SLC37A1: variants seen among roughly 807,000 people sequenced by gnomAD.
The protein encoded by SLC37A1 is glucose-6-phosphate exchanger SLC37A1.
SLC37A1 carries 49 observed loss-of-function variants against 75.3 expected under a neutral mutation model. That is an observed-to-expected ratio of 0.65 (90% CI 0.52 to 0.83). The LOEUF is 0.83. SLC37A1 is among the 40% of genes least tolerant of loss of function. The pLI is 0.00. For missense variants in SLC37A1, 566 were observed against 695.0 expected (o/e 0.81, Z 2.09); for synonymous variants, 268 against 292.1 (o/e 0.92, Z 0.84).
intron 9 of SLC37A1, among the ~76,000 whole-genome samples, chr21:42,551,812 T>C (rs1054246117): frequency 4.5e-5 from 6 of 133,042 alleles, no homozygotes; most frequent in African/African-American, 1.6e-4. Flanking sequence ...TTTTTTGTTT[T>C]GTTTTGTTTT....
intron 9 of SLC37A1, among the ~76,000 whole-genome samples, chr21:42,549,777 A>T (rs2055511421): frequency 6.6e-6 from 1 of 152,214 alleles, no homozygotes; most frequent in Non-Finnish European, 1.5e-5. Context: ...GAGATTTCAG[A>T]TGTGCTGACT....
upstream of SLC37A1, chr21:42,509,450 G>C (rs775102526): frequency 6.6e-6 from 1 of 152,214 alleles, no homozygotes; most frequent in Non-Finnish European, 1.5e-5. This position sits in a 1 kb window ranked among gnomAD's most constrained non-coding sequence, Gnocchi z 4.2. Context: ...ACTGGGAAGC[G>C]AGTCAAAAGT....
chr21:42,523,162 A>G (rs1429783448), intron 2 of SLC37A1, among the ~76,000 whole-genome samples: 1 of 152,158 alleles, frequency 6.6e-6, no homozygotes, highest in East Asian at 1.9e-4. Context: ...ACACCTGTAG[A>G]ACTGGCACTG....
At chr21:42,539,409 C>A in intron 5 of SLC37A1, 103 bp from the exon 6 acceptor site, 1 of 1,346,982 alleles carries the variant, frequency 7.4e-7, no homozygotes, top group Non-Finnish European at 1.0e-6. Flanking sequence ...GTTCCCCAAG[C>A]TCAGAGAACA....
chr21:42,503,049 A>G (rs896994440), intron 2 of SLC37A1: 2 of 152,194 alleles, frequency 1.3e-5, no homozygotes, highest in African/African-American at 4.8e-5. Flanking sequence ...AAATCATTCT[A>G]TTTGTCACTT....
At chr21:42,553,293 A>G (rs1741318294) in intron 9 of SLC37A1, among the ~76,000 whole-genome samples, 1 of 152,238 alleles carries the variant, frequency 6.6e-6, no homozygotes, top group African/African-American at 2.4e-5. Context: ...TTTATACTAG[A>G]GTGAGTGAAT....
At chr21:42,565,471 G>C (rs1202743839) in intron 14 of SLC37A1, among the ~76,000 whole-genome samples, 1 of 152,260 alleles carries the variant, frequency 6.6e-6, no homozygotes, top group Non-Finnish European at 1.5e-5. Context: ...TGCTGCCACT[G>C]GGGGGTGGGC....
In SLC37A1 at chr21:42,567,194, T is replaced by C. The variant is rs60188198; in HGVS notation, c.1344+136T>C. The C allele has an allele frequency of 3.0e-3, 2,456 of 821,516 alleles. 44 individuals are homozygous for C. In the African/African-American group the frequency reaches 0.037, roughly 12 times the overall value. The allele number at this position is 821,516 out of a possible 1,614,324, so 50.9% of individuals were successfully genotyped here. The stretch of plus-strand genomic sequence containing the variant: ...TTTGGCAGCTCACCTACACCTGTGG[T>C]CTCCAGCCTTCCCGCACCTGCCCCG... On this transcript the variant is annotated intron_variant, in intron 16 of 19. Transcript: ENST00000352133.
chr21:42,568,268 G>T, intron 16 of SLC37A1, 92 bp from the exon 17 acceptor site: 3 of 976,040 alleles, frequency 3.1e-6, no homozygotes, highest in Non-Finnish European at 4.8e-6. Context: ...GAGTTGTTTT[G>T]CAGAGCAGTT....
At chr21:42,535,862 G>A (rs942256217) in intron 5 of SLC37A1, among the ~76,000 whole-genome samples, 1 of 152,232 alleles carries the variant, frequency 6.6e-6, no homozygotes, top group African/African-American at 2.4e-5. Context: ...ATCCTGGGAC[G>A]TGGTCATTCA....
chr21:42,530,645 CA>C lies in SLC37A1; in HGVS notation c.139-4052del, dbSNP rs2054934189. ...ACACACACACACACACACACACACA[CA>C]CACACACACCCCCTCTGTGTTGGCT... On this transcript the variant is annotated intron_variant, in intron 3 of 19. Coordinates refer to ENST00000352133, the MANE Select transcript of SLC37A1 (RefSeq NM_001320537.2). 3.5e-3 allele frequency among the ~76,000 whole-genome samples: 108 copies of C among 31,258 alleles called. 2 individuals are homozygous for C. The highest frequency in any genetic ancestry group is 7.0e-3 in the South Asian group (8 of 1,146). The allele number at this position is 31,258 out of a possible 152,430, so 20.5% of individuals were successfully genotyped here.
intron 3 of SLC37A1, among the ~76,000 whole-genome samples, chr21:42,529,789 G>A (rs1272152043): frequency 6.6e-6 from 1 of 152,160 alleles, no homozygotes; most frequent in Non-Finnish European, 1.5e-5. Context: ...AGGCAACACT[G>A]TGCTCAGTGG....
chr21:42,552,072 C>A lies in SLC37A1; in HGVS notation c.769-1990C>A, dbSNP rs146442647. Among the ~76,000 whole-genome samples, 1 of 152,218 alleles carries A rather than the reference C, an allele frequency of 6.6e-6. No individual in the cohort carries two copies. The highest frequency in any genetic ancestry group is 2.4e-5 in the African/African-American group (1 of 41,516). ...CACAATTAATATGAAAGAGAGTATT[C>A]AATTCTTTACCATTTGCCTTGAGTC... On this transcript the variant is annotated intron_variant, in intron 9 of 19. Transcript: ENST00000352133. The surrounding 1 kb of genome is among the most constrained non-coding windows in gnomAD (Gnocchi z 4.2).
Position 42,570,170 on chromosome 21 carries a change from G to GGCTGTT in SLC37A1, c.1423+1734_1423+1735insTGTTGC, listed in dbSNP as rs2056110191. Among the ~76,000 whole-genome samples, 7 of 105,378 alleles carry GGCTGTT rather than the reference G, an allele frequency of 6.6e-5. 1 individual carries two copies. The highest frequency in any genetic ancestry group is 6.5e-4 in the East Asian group (3 of 4,638). The allele number at this position is 105,378 out of a possible 152,430, so 69.1% of individuals were successfully genotyped here. ...GGTTCTGAGAAGCGGCGGGCAGGGT[G>GGCTGTT]GCCATTGCCATGTGACACATGGCCT... On this transcript the variant is annotated intron_variant, in intron 17 of 19. Coordinates refer to ENST00000352133, the MANE Select transcript of SLC37A1 (RefSeq NM_001320537.2).
At chr21:42,558,810 C>A in intron 10 of SLC37A1, 148 bp from the exon 11 acceptor site, 1 of 867,394 alleles carries the variant, frequency 1.2e-6, no homozygotes, top group Non-Finnish European at 1.8e-6. Flanking sequence ...ACACAGTGGC[C>A]AGGTGGGAAT....
At chr21:42,550,202 C>A (rs961760286) in intron 9 of SLC37A1, among the ~76,000 whole-genome samples, 1 of 152,084 alleles carries the variant, frequency 6.6e-6, no homozygotes, top group Non-Finnish European at 1.5e-5. Flanking sequence ...GAAAGATCAA[C>A]AAAATTGATC....
rs992386402 is a variant in SLC37A1, at chr21:42,514,189, TACG to T, written c.-704_-702del. On this transcript the variant is annotated 5_prime_UTR_variant, in exon 1 of 20. Transcript: ENST00000352133. The surrounding 1 kb of genome is among the most constrained non-coding windows in gnomAD (Gnocchi z 4.8). Reference sequence around the variant, plus strand: ...TTTTCGCGGAGGGAAGTCTTTGAAATACGACATCTAGAAGAGTGGCCCTCGGCG... The same window carrying T: ...TTTTCGCGGAGGGAAGTCTTTGAAATACATCTAGAAGAGTGGCCCTCGGCG... The T allele has an allele frequency of 5.9e-4, 90 of 151,912 alleles. 1 individual carries two copies. Among genetic ancestry groups the T allele is most frequent in the African/African-American group, 2.0e-3 (83 of 41,448 alleles). 9.4% of individuals were successfully genotyped at this position (151,912 alleles called of 1,614,324 possible).
At chr21:42,517,805 TA>T (rs965069408) in intron 1 of SLC37A1, among the ~76,000 whole-genome samples, 1 of 152,190 alleles carries the variant, frequency 6.6e-6, no homozygotes, top group African/African-American at 2.4e-5. Flanking sequence ...AAGTCACAAT[TA>T]AATGATTGGT....
chr21:42,524,758 T>C (rs897152967), intron 2 of SLC37A1, among the ~76,000 whole-genome samples: 3 of 152,098 alleles, frequency 2.0e-5, no homozygotes, highest in African/African-American at 2.4e-5. Flanking sequence ...GCTTTTGATA[T>C]TGTGACGTAA....
Sources: gnomAD v4.1 joint callset for allele counts (sites outside exome capture counted in the v4.1 genomes callset) on GRCh38, gnomAD v4.1.1 for gene constraint, Gnocchi (gnomAD v3.1) non-coding constraint, MANE v1.5 for transcripts, NCBI Gene and HGNC (gene_info 2026-07-23, HGNC 2026-07-21) for gene names.